The following ARHGEF17 variants were observed in gnomAD, a reference collection of about 807,000 sequenced individuals.
ARHGEF17 encodes Rho guanine nucleotide exchange factor 17.
Under a neutral mutation model 174.0 loss-of-function variants are expected in ARHGEF17, and 80 were observed. The observed-to-expected ratio is 0.46, with a 90% CI of 0.38 to 0.55. ARHGEF17 has a LOEUF of 0.55. Among genes scored for constraint, ARHGEF17 ranks in the 20% least tolerant of loss-of-function variants. ARHGEF17 has a pLI of 0.00. For missense variants in ARHGEF17, 2,886 were observed against 2,839.7 expected (o/e 1.02, Z -0.37); for synonymous variants, 1,311 against 1,189.1 (o/e 1.10, Z -2.11).
At position 73,329,350 on chromosome 11, in the gene ARHGEF17, TATATATATATATATATATATATA is replaced by T. The variant is rs1332749773; in HGVS notation, c.3192+17521_3193-17510del. Among the ~76,000 whole-genome samples the T allele has an allele frequency of 6.0e-3, 254 of 42,316 alleles. 19 individuals carry two copies. Among genetic ancestry groups the T allele is most frequent in the South Asian group, 0.013 (17 of 1,324 alleles). The allele number at this position is 42,316 out of a possible 152,430, so 27.8% of individuals were successfully genotyped here. Reference sequence around the variant, plus strand: ...ATATATATATATATATATATATATATATATATATATATATATATATATATTTTTTTTTTTTTTTTGTATTTTGG... The same window carrying T: ...ATATATATATATATATATATATATATTTTTTTTTTTTTTTTTGTATTTTGG... On this transcript the variant is annotated intron_variant, in intron 1 of 20. Transcript: ENST00000263674.
At chr11:73,334,441 T>G (rs1865255777) in intron 1 of ARHGEF17, among the ~76,000 whole-genome samples, 1 of 152,052 alleles carries the variant, frequency 6.6e-6, no homozygotes, top group African/African-American at 2.4e-5. Context: ...GAGGAGAGGC[T>G]GGGAGGTCAC....
chr11:73,353,553 G>A (rs183005435), intron 3 of ARHGEF17, among the ~76,000 whole-genome samples: 117 of 152,312 alleles, frequency 7.7e-4, no homozygotes, highest in African/African-American at 2.7e-3. Context: ...AGGAGAGTGC[G>A]TTGGTTACCC....
chr11:73,309,382 C>T lies in ARHGEF17; in HGVS notation c.744C>T (p.Ala248=), dbSNP rs751535222. 6.3e-7 allele frequency: 1 copy of T among 1,583,482 alleles called. No homozygotes were observed. Residue 248 remains alanine, a synonymous_variant, in exon 1 of 21, where the codon GCC becomes GCT. Coordinates refer to ENST00000263674, the MANE Select transcript of ARHGEF17 (RefSeq NM_014786.4). Reference sequence around the variant, plus strand: ...ATCCTGTCAGCCGCAGTCGTGCTGCCAGCTCCAGCGAGGAGGAAGAGGAGG... The same window carrying T: ...ATCCTGTCAGCCGCAGTCGTGCTGCTAGCTCCAGCGAGGAGGAAGAGGAGG... The part of the protein sequence containing the change: ...ASYPVSRSRA[A]SSSEEEEEGP...
intron 1 of ARHGEF17, among the ~76,000 whole-genome samples, chr11:73,317,243 A>G (rs1317496029): frequency 6.6e-6 from 1 of 152,164 alleles, no homozygotes; most frequent in East Asian, 1.9e-4. Context: ...AGCCACCATG[A>G]CACCCATTTA....
Position 73,365,906 on chromosome 11 carries a change from T to A in ARHGEF17, c.5954T>A (p.Phe1985Tyr). Reference sequence around the variant, plus strand: ...GCTGCAGTCCAGCTGCCAGATGGCTTCAACCTGCTCTGCCCAACCCCACCA... The same window carrying A: ...GCTGCAGTCCAGCTGCCAGATGGCTACAACCTGCTCTGCCCAACCCCACCA... ...FLAAVQLPDG[F>Y]NLLCPTPPPP... Residue 1985 changes from phenylalanine to tyrosine, a missense_variant, in exon 20 of 21, where the codon TTC becomes TAC. Physicochemically the swap from Phe to Tyr is conservative, Grantham distance 22. Coordinates refer to ENST00000263674, the MANE Select transcript of ARHGEF17 (RefSeq NM_014786.4). The surrounding 1 kb of genome is among the most constrained non-coding windows in gnomAD (Gnocchi z 4.9). 1 of 1,607,794 alleles carries A rather than the reference T, an allele frequency of 6.2e-7. No homozygotes were observed.
chr11:73,325,624 G>C (rs529496272), intron 1 of ARHGEF17, among the ~76,000 whole-genome samples: 1 of 152,334 alleles, frequency 6.6e-6, no homozygotes, highest in East Asian at 1.9e-4. Flanking sequence ...CATCTGTACA[G>C]ATATCAGGAG....
In ARHGEF17 at chr11:73,362,864, A is replaced by G. The variant is rs60148500; in HGVS notation, c.4996+130A>G. The stretch of plus-strand genomic sequence containing the variant: ...CCTCAGGATGTTAGCACACAGAGCA[A>G]TGAGGGCAGGGGATGTGACACCAAG... On this transcript the variant is annotated intron_variant, in intron 14 of 20. Coordinates refer to ENST00000263674, the MANE Select transcript of ARHGEF17 (RefSeq NM_014786.4). 2.7e-3 allele frequency: 3,272 copies of G among 1,195,088 alleles called. 75 individuals carry two copies. The African/African-American group carries it at 0.045, about 16-fold the overall frequency. 74.0% of individuals were successfully genotyped at this position (1,195,088 alleles called of 1,614,324 possible).
In ARHGEF17 at chr11:73,328,943, G is replaced by A. The variant is rs561213086; in HGVS notation, c.3192+17113G>A. Among the ~76,000 whole-genome samples, 9 of 152,276 alleles carry A rather than the reference G, an allele frequency of 5.9e-5. No homozygotes were observed. In the East Asian group the frequency reaches 1.7e-3, roughly 29 times the overall value. ...GGAGGGAGCCTAGAGAGGCAGGATG[G>A]AGAAGGAAGAAGAGGGGTGCAAAGG... is the stretch of plus-strand genomic sequence containing the variant. On this transcript the variant is annotated intron_variant, in intron 1 of 20. Transcript: ENST00000263674.
chr11:73,313,368 C>G (rs544689899), intron 1 of ARHGEF17, among the ~76,000 whole-genome samples: 1 of 152,198 alleles, frequency 6.6e-6, no homozygotes, highest in African/African-American at 2.4e-5. Context: ...CCTCCCCAGC[C>G]TCCTTTCCCA....
rs764403659 is a variant in ARHGEF17, at chr11:73,311,224, C to T, written c.2586C>T (p.Ser862=). ...EVEPMLPPSS[S]EPILVEQRAE... is the part of the protein sequence containing the mutation. ...AGCCCATGCTGCCTCCATCCAGCAGCGAGCCCATCCTTGTAGAGCAGCGGG... is the reference window on the plus strand; with the variant it reads ...AGCCCATGCTGCCTCCATCCAGCAGTGAGCCCATCCTTGTAGAGCAGCGGG... Residue 862 remains serine, a synonymous_variant, in exon 1 of 21, where the codon AGC becomes AGT. Transcript: ENST00000263674. 77 of 1,605,670 alleles carry T rather than the reference C, an allele frequency of 4.8e-5. No individual in the cohort carries two copies. The highest frequency in any genetic ancestry group is 1.7e-4 in the Middle Eastern group (1 of 6,054).
At position 73,311,449 on chromosome 11, in the gene ARHGEF17, C is replaced by T. The variant is rs1197045307; in HGVS notation, c.2811C>T (p.Asp937=). The T allele has an allele frequency of 4.3e-6, 7 of 1,613,212 alleles. No individual in the cohort carries two copies. The highest frequency in any genetic ancestry group is 1.3e-5 in the African/African-American group (1 of 74,934). ...GTAGTCACCAGGAGCTTCGGAGAGA[C>T]GAGGGCAGTCAGGACCAGACTGGCA... is the stretch of plus-strand genomic sequence containing the variant. The part of the protein sequence containing the change: ...ARSSHQELRR[D]EGSQDQTGSL... Residue 937 remains aspartate, a synonymous_variant, in exon 1 of 21, where the codon GAC becomes GAT. Transcript: ENST00000263674.
At position 73,367,663 on chromosome 11, in the gene ARHGEF17, G is replaced by T; in HGVS notation, c.6075G>T (p.Leu2025=). The change falls in exon 21 of 21, where the codon CTG becomes CTT. Residue 2025 remains leucine (L), a synonymous_variant. Coordinates refer to ENST00000263674, the MANE Select transcript of ARHGEF17 (RefSeq NM_014786.4). ...CCGCCCCTGCCAGGCCTAAAATGCT[G>T]GTTATCAGTGGAGGTGATGGCTATG... ...RGPAPARPKM[L]VISGGDGYED... 6.2e-7 allele frequency: 1 copy of T among 1,614,108 alleles called. No individual in the cohort carries two copies. Among genetic ancestry groups the T allele is most frequent in the Non-Finnish European group, 8.5e-7 (1 of 1,180,004 alleles).
chr11:73,356,108 C>T, intron 5 of ARHGEF17, 67 bp from the exon 6 acceptor site: 2 of 1,591,100 alleles, frequency 1.3e-6, no homozygotes, highest in Non-Finnish European at 1.7e-6. Context: ...ATAGTCCCTC[C>T]TGCTCCAGCA....
Position 73,362,247 on chromosome 11 carries a change from C to CTGGGCGGCGGGG in ARHGEF17, c.4694+17_4694+28dup. ...GCAGCCTCGCTGCCACCGGTGAGGC[C>CTGGGCGGCGGGG]TGGGCGGCGGGGTGGGCGGCACCGC... On this transcript the variant is annotated intron_variant, in intron 13 of 20. Transcript: ENST00000263674. 1 of 1,517,530 alleles carries CTGGGCGGCGGGG rather than the reference C, an allele frequency of 6.6e-7. No individual in the cohort carries two copies. Among genetic ancestry groups the CTGGGCGGCGGGG allele is most frequent in the African/African-American group, 1.4e-5 (1 of 72,296 alleles). The allele number at this position is 1,517,530 out of a possible 1,614,324, so 94.0% of individuals were successfully genotyped here.
chr11:73,364,731 T>C, intron 18 of ARHGEF17, 131 bp downstream of exon 18: 6 of 1,223,678 alleles, frequency 4.9e-6, no homozygotes, highest in Non-Finnish European at 6.6e-6. Context: ...GACCACAGAG[T>C]GACGCTGGCC....
intron 14 of ARHGEF17, 97 bp downstream of exon 14, chr11:73,362,831 G>C: frequency 1.4e-6 from 2 of 1,418,230 alleles, no homozygotes; most frequent in Non-Finnish European, 1.9e-6. Context: ...CAAAGGCATG[G>C]CGTCAGACCT....
Position 73,365,278 on chromosome 11 carries a change from G to A in ARHGEF17, c.5551-112G>A. On this transcript the variant is annotated intron_variant, in intron 18 of 20. Coordinates refer to ENST00000263674, the MANE Select transcript of ARHGEF17 (RefSeq NM_014786.4). The surrounding 1 kb of genome is among the most constrained non-coding windows in gnomAD (Gnocchi z 4.9). Reference sequence around the variant, plus strand: ...AGCTTCGAAAGGTTAATCAGACCAAGGACCAACGCTAGTGTGAGTTGTGAG... The same window carrying A: ...AGCTTCGAAAGGTTAATCAGACCAAAGACCAACGCTAGTGTGAGTTGTGAG... 1 of 1,253,236 alleles carries A rather than the reference G, an allele frequency of 8.0e-7. No homozygotes were observed. The highest frequency in any genetic ancestry group is 1.4e-5 in the South Asian group (1 of 71,628). The allele number at this position is 1,253,236 out of a possible 1,614,324, so 77.6% of individuals were successfully genotyped here.
Position 73,309,332 on chromosome 11 carries a change from T to C in ARHGEF17, c.694T>C (p.Ser232Pro), listed in dbSNP as rs768936358. The C allele has an allele frequency of 1.2e-6, 2 of 1,606,138 alleles. No individual in the cohort carries two copies. The highest frequency in any genetic ancestry group is 2.2e-5 in the East Asian group (1 of 44,746). ...QPQAGARASC[S>P]SSSIAASYPV... is the part of the protein sequence containing the mutation. The stretch of plus-strand genomic sequence containing the variant: ...GCAGGCCGGGGCCCGGGCCTCCTGC[T>C]CCTCCTCCTCCATCGCCGCCTCCTA... The change falls in exon 1 of 21, where the codon TCC (serine) becomes CCC (proline). Residue 232 changes from serine to proline, a missense_variant. By Grantham distance (74) the Ser-to-Pro change is moderately conservative. This residue lies in a region of ARHGEF17 where 1,728 missense variants were observed against 1,461.2 expected (regional missense o/e 1.18). Coordinates refer to ENST00000263674, the MANE Select transcript of ARHGEF17 (RefSeq NM_014786.4).
Position 73,323,415 on chromosome 11 carries a change from G to A in ARHGEF17, c.3192+11585G>A, listed in dbSNP as rs140980431. On this transcript the variant is annotated intron_variant, in intron 1 of 20. Coordinates refer to ENST00000263674, the MANE Select transcript of ARHGEF17 (RefSeq NM_014786.4). ...GCAGGCATCCTTGCCAGCAGCCCTC[G>A]TGGTGGGTCCTGTAGTCAGAGACAA... Among the ~76,000 whole-genome samples, 1,199 of 152,330 alleles carry A rather than the reference G, an allele frequency of 7.9e-3. 8 individuals carry two copies. Among genetic ancestry groups the A allele is most frequent in the Non-Finnish European group, 0.012 (828 of 68,022 alleles).
Sources: allele counts gnomAD v4.1 joint callset (sites outside exome capture counted in the v4.1 genomes callset), GRCh38; gene constraint gnomAD v4.1.1; regional missense constraint gnomAD v4.1.1; non-coding constraint Gnocchi (gnomAD v3.1); transcripts MANE v1.5; gene names NCBI Gene and HGNC (gene_info 2026-07-23, HGNC 2026-07-21).